Variants in SEMA3E observed in about 807,000 individuals in gnomAD.
SEMA3E encodes semaphorin 3E, also known as semaphorin-3E.
SEMA3E carries 49 observed loss-of-function variants against 93.6 expected under a neutral mutation model. The ratio of observed to expected loss-of-function variants is 0.52; its 90% CI spans 0.42 to 0.66. SEMA3E has a LOEUF of 0.66. Among genes scored for constraint, SEMA3E ranks in the 30% least tolerant of loss-of-function variants. The pLI is 0.00. For synonymous variants in SEMA3E, 363 were observed against 330.7 expected (o/e 1.10, Z -1.06); for missense variants, 906 against 964.8 (o/e 0.94, Z 0.81).
At chr7:83,404,132 T>A (rs946961937) in intron 9 of SEMA3E, among the ~76,000 whole-genome samples, 1 of 151,958 alleles carries the variant, frequency 6.6e-6, no homozygotes. Flanking sequence ...AGGGAGGAGA[T>A]GAAGTTAAAA....
At chr7:83,387,373 G>A (rs1175811304) in intron 14 of SEMA3E, among the ~76,000 whole-genome samples, 11 of 152,046 alleles carry the variant, frequency 7.2e-5, no homozygotes, top group Non-Finnish European at 1.6e-4. Context: ...TGTCTTGAAT[G>A]GTAAGGTATT....
At chr7:83,645,785 C>G (rs1474648013) in intron 1 of SEMA3E, among the ~76,000 whole-genome samples, 1 of 151,602 alleles carries the variant, frequency 6.6e-6, no homozygotes, top group Non-Finnish European at 1.5e-5. Context: ...TGATCCCTTC[C>G]TTTCCAGCTC....
At chr7:83,459,629 T>G (rs1451413651) in intron 4 of SEMA3E, among the ~76,000 whole-genome samples, 2 of 152,206 alleles carry the variant, frequency 1.3e-5, no homozygotes, top group African/African-American at 4.8e-5. Flanking sequence ...TGTTAGTTAA[T>G]CTACAACTAG....
At chr7:83,645,719 TTCTCTCTCTCTCTC>T (rs57724559) in intron 1 of SEMA3E, among the ~76,000 whole-genome samples, 2 of 146,446 alleles carry the variant, frequency 1.4e-5, no homozygotes, top group Admixed American at 6.8e-5. Flanking sequence ...CCTTGTCTCC[TTCTCTCTCTCTCTC>T]TCTCTCTCTC....
intron 2 of SEMA3E, among the ~76,000 whole-genome samples, chr7:83,470,350 CT>C (rs34744111): frequency 0.68 from 103,498 of 151,858 alleles, 36,898 homozygotes; most frequent in Non-Finnish European, 0.79. Flanking sequence ...TACTTTATCA[CT>C]TTCTTTCCTT....
At chr7:83,508,920 C>A (rs1207746493) in intron 1 of SEMA3E, among the ~76,000 whole-genome samples, 1 of 152,052 alleles carries the variant, frequency 6.6e-6, no homozygotes, top group Non-Finnish European at 1.5e-5. Flanking sequence ...CTGATAATAG[C>A]AAATTCGTTA....
intron 2 of SEMA3E, among the ~76,000 whole-genome samples, chr7:83,470,267 A>G (rs1011778715): frequency 3.9e-5 from 6 of 152,164 alleles, no homozygotes; most frequent in Admixed American, 6.5e-5. Flanking sequence ...ACAAGCAGAA[A>G]TCAGTTATAC....
intron 1 of SEMA3E, among the ~76,000 whole-genome samples, chr7:83,569,893 A>G (rs185648560): frequency 6.6e-6 from 1 of 152,266 alleles, no homozygotes; most frequent in East Asian, 1.9e-4. Flanking sequence ...TCTACAGAAT[A>G]CTCCACCTAA....
At chr7:83,558,961 C>G (rs184665174) in intron 1 of SEMA3E, among the ~76,000 whole-genome samples, 5 of 152,014 alleles carry the variant, frequency 3.3e-5, no homozygotes, top group Middle Eastern at 3.4e-3. Context: ...GTTTTTTGAC[C>G]TTTTTCAGTC....
At chr7:83,408,004 A>C (rs1244293213) in intron 6 of SEMA3E, among the ~76,000 whole-genome samples, 1 of 152,156 alleles carries the variant, frequency 6.6e-6, no homozygotes, top group Non-Finnish European at 1.5e-5. Context: ...CTATTAAAAC[A>C]AGCAAAGCAG....
chr7:83,603,579 G>A (rs1261297734), intron 1 of SEMA3E, among the ~76,000 whole-genome samples: 1 of 152,050 alleles, frequency 6.6e-6, no homozygotes, highest in African/African-American at 2.4e-5. Flanking sequence ...TTATTAAGAA[G>A]ATGAGAAAGT....
At chr7:83,383,257 GAAA>G in intron 16 of SEMA3E, among the ~76,000 whole-genome samples, 1 of 148,942 alleles carries the variant, frequency 6.7e-6, no homozygotes, top group Admixed American at 6.7e-5. Context: ...GATTTGATAA[GAAA>G]GTGATTTCTT....
At chr7:83,472,378 T>A (rs1410292608) in intron 2 of SEMA3E, among the ~76,000 whole-genome samples, 1 of 151,918 alleles carries the variant, frequency 6.6e-6, no homozygotes, top group Non-Finnish European at 1.5e-5. Flanking sequence ...AAACCCACAC[T>A]GCAATAAATA....
chr7:83,539,855 C>CTGTGTGTGTG (rs59200828), intron 1 of SEMA3E, among the ~76,000 whole-genome samples: 24,139 of 121,844 alleles, frequency 0.2, 2,782 homozygotes, highest in Non-Finnish European at 0.26. Flanking sequence ...TTTGTTGTTT[C>CTGTGTGTGTG]TGTGTGTGTG....
At chr7:83,618,479 C>T (rs1436947573) in intron 1 of SEMA3E, among the ~76,000 whole-genome samples, 1 of 151,956 alleles carries the variant, frequency 6.6e-6, no homozygotes, top group African/African-American at 2.4e-5. Flanking sequence ...GTATCAGCCA[C>T]CATGTCCTCA....
At chr7:83,600,486 A>ATTATTTTTTT (rs1792968300) in intron 1 of SEMA3E, among the ~76,000 whole-genome samples, 1 of 63,050 alleles carries the variant, frequency 1.6e-5, no homozygotes, top group African/African-American at 6.0e-5. Context: ...CGCCCAGCTA[A>ATTATTTTTTT]TTTTTTTTTT....
chr7:83,396,857 T>C, intron 11 of SEMA3E, 128 bp from the exon 12 acceptor site: 3 of 644,230 alleles, frequency 4.7e-6, no homozygotes, highest in Non-Finnish European at 8.4e-6. Context: ...GATGGGTGTA[T>C]CTCTTGAGGT....
chr7:83,561,676 A>C (rs571551329), intron 1 of SEMA3E, among the ~76,000 whole-genome samples: 1 of 152,274 alleles, frequency 6.6e-6, no homozygotes, highest in East Asian at 1.9e-4. Context: ...TTGTATGTCA[A>C]TCTTACCTGT....
intron 1 of SEMA3E, among the ~76,000 whole-genome samples, chr7:83,535,909 G>T (rs965549727): frequency 6.6e-6 from 1 of 152,134 alleles, no homozygotes; most frequent in Non-Finnish European, 1.5e-5. Context: ...ATGGTTAGGT[G>T]TCAAGAGTGA....
Sources: gnomAD v4.1 joint callset for allele counts (sites outside exome capture counted in the v4.1 genomes callset) on GRCh38, gnomAD v4.1.1 for gene constraint, MANE v1.5 for transcripts, NCBI Gene and HGNC (gene_info 2026-07-23, HGNC 2026-07-21) for gene names.